Variants in NDST3 observed in about 807,000 individuals in gnomAD.
NDST3 encodes the protein N-deacetylase and N-sulfotransferase 3.
NDST3 carries 58 observed loss-of-function variants against 96.1 expected under a neutral mutation model. The ratio of observed to expected loss-of-function variants is 0.60; its 90% CI spans 0.49 to 0.75. The LOEUF is 0.75. Ranked by LOEUF, NDST3 falls within the 30% of genes least tolerant of loss-of-function variation. The pLI is 0.00. For synonymous variants in NDST3, 333 were observed against 359.7 expected (o/e 0.93, Z 0.84); for missense variants, 788 against 1,034.2 (o/e 0.76, Z 3.27).
At chr4:118,251,995 T>G (rs1260057317) in intron 12 of NDST3, among the ~76,000 whole-genome samples, 1 of 152,198 alleles carries the variant, frequency 6.6e-6, no homozygotes, top group African/African-American at 2.4e-5. Flanking sequence ...CCATTGCACA[T>G]ATTTTTTGTA....
At chr4:118,160,517 A>G (rs552662589) in intron 6 of NDST3, among the ~76,000 whole-genome samples, 4 of 152,352 alleles carry the variant, frequency 2.6e-5, no homozygotes, top group Non-Finnish European at 5.9e-5. Flanking sequence ...GGACATGAAC[A>G]GACACTTTTC....
chr4:118,113,948 G>C (rs531617125), intron 3 of NDST3, among the ~76,000 whole-genome samples: 1 of 152,024 alleles, frequency 6.6e-6, no homozygotes, highest in South Asian at 2.1e-4. Context: ...AGTACAAAAA[G>C]GACTCTTAGC....
intron 6 of NDST3, among the ~76,000 whole-genome samples, chr4:118,169,791 C>A (rs561220593): frequency 1.5e-5 from 2 of 136,150 alleles, no homozygotes; most frequent in Non-Finnish European, 3.1e-5. Context: ...AAGACTCCAT[C>A]TCAAAAAAAA....
rs138067206 is a variant in NDST3, at chr4:118,184,778, C to T, written c.1540-39713C>T. On this transcript the variant is annotated intron_variant, in intron 6 of 13. Transcript: ENST00000296499. The stretch of plus-strand genomic sequence containing the variant: ...TTTCATTCTATGCATCAAAGGAATA[C>T]TCTGTACTATGTACTTACTTGCTGT... 6.6e-5 allele frequency among the ~76,000 whole-genome samples: 10 copies of T among 152,234 alleles called. No homozygotes were observed. In the East Asian group the frequency reaches 1.7e-3, roughly 26 times the overall value.
intron 4 of NDST3, among the ~76,000 whole-genome samples, chr4:118,125,049 T>C (rs746940285): frequency 6.6e-6 from 1 of 152,092 alleles, no homozygotes; most frequent in South Asian, 2.1e-4. Context: ...GGCCACATGA[T>C]TGAACTCAAT....
intron 6 of NDST3, among the ~76,000 whole-genome samples, chr4:118,211,334 G>A (rs1738784772): frequency 6.6e-6 from 1 of 151,988 alleles, no homozygotes; most frequent in Non-Finnish European, 1.5e-5. Flanking sequence ...AATATCCCAT[G>A]AATCCTAATT....
chr4:118,165,306 G>A (rs1249048832), intron 6 of NDST3, among the ~76,000 whole-genome samples: 1 of 151,806 alleles, frequency 6.6e-6, no homozygotes, highest in Non-Finnish European at 1.5e-5. Context: ...TGGACTTTAA[G>A]TCCAAAACTG....
At chr4:118,207,646 C>T (rs1483828090) in intron 6 of NDST3, among the ~76,000 whole-genome samples, 1 of 144,638 alleles carries the variant, frequency 6.9e-6, no homozygotes, top group African/African-American at 2.6e-5. Context: ...GCTGGAAGTG[C>T]CCTCTTCCTC....
intron 2 of NDST3, among the ~76,000 whole-genome samples, chr4:118,062,110 A>G (rs1334524520): frequency 6.6e-6 from 1 of 152,216 alleles, no homozygotes. Flanking sequence ...CACAATGTAC[A>G]GAAAAACCTT....
intron 6 of NDST3, among the ~76,000 whole-genome samples, chr4:118,211,415 T>C (rs897303627): frequency 1.3e-5 from 2 of 149,206 alleles, no homozygotes; most frequent in African/African-American, 4.9e-5. Context: ...TTTTATACCA[T>C]GAATATACAT....
At chr4:118,187,880 C>G (rs1737068205) in intron 6 of NDST3, among the ~76,000 whole-genome samples, 1 of 152,122 alleles carries the variant, frequency 6.6e-6, no homozygotes, top group African/African-American at 2.4e-5. Flanking sequence ...CTCAAGTTCC[C>G]AAAGTTTTGC....
intron 5 of NDST3, among the ~76,000 whole-genome samples, chr4:118,143,090 C>T (rs934705051): frequency 1.3e-5 from 2 of 152,128 alleles, no homozygotes; most frequent in Non-Finnish European, 2.9e-5. Flanking sequence ...ATGTCATTCC[C>T]TAAGAAGCAC....
At chr4:118,194,783 C>T in intron 6 of NDST3, 1 of 420,702 alleles carries the variant, frequency 2.4e-6, no homozygotes, top group Non-Finnish European at 4.3e-6. Context: ...TGGGAGCTGG[C>T]ACCGGCACCA....
At chr4:118,248,107 T>TG (rs1467222982) in intron 12 of NDST3, among the ~76,000 whole-genome samples, 3 of 152,170 alleles carry the variant, frequency 2.0e-5, no homozygotes, top group African/African-American at 7.2e-5. Context: ...TCCTAACACT[T>TG]TAAGAGGCCG....
intron 9 of NDST3, among the ~76,000 whole-genome samples, chr4:118,233,551 AAAAT>A (rs1429508706): frequency 2.0e-5 from 3 of 152,226 alleles, no homozygotes; most frequent in Non-Finnish European, 2.9e-5. Context: ...CATAAAAGGA[AAAAT>A]AAATAAATAA....
chr4:118,136,197 C>A (rs1481527167), intron 4 of NDST3, among the ~76,000 whole-genome samples: 1 of 152,194 alleles, frequency 6.6e-6, no homozygotes, highest in Non-Finnish European at 1.5e-5. Flanking sequence ...CTCCTCAGCA[C>A]CACATAACAT....
At chr4:118,102,839 AT>A (rs1478819804) in intron 2 of NDST3, among the ~76,000 whole-genome samples, 2 of 152,202 alleles carry the variant, frequency 1.3e-5, no homozygotes, top group Non-Finnish European at 2.9e-5. Context: ...TCTAGAAATA[AT>A]TTTCCCCTCT....
intron 6 of NDST3, among the ~76,000 whole-genome samples, chr4:118,201,450 G>T (rs1738080479): frequency 1.3e-5 from 2 of 152,086 alleles, no homozygotes; most frequent in Admixed American, 1.3e-4. Context: ...AGCATCTGTT[G>T]TTTTTTGGAT....
chr4:118,071,875 C>T (rs1200882218), intron 2 of NDST3, among the ~76,000 whole-genome samples: 1 of 152,124 alleles, frequency 6.6e-6, no homozygotes, highest in Non-Finnish European at 1.5e-5. Flanking sequence ...TTCCCACTAG[C>T]ACTGTATGTC....
Sources: allele counts gnomAD v4.1 joint callset (sites outside exome capture counted in the v4.1 genomes callset), GRCh38; gene constraint gnomAD v4.1.1; transcripts MANE v1.5; gene names NCBI Gene and HGNC (gene_info 2026-07-23, HGNC 2026-07-21).